PLPPR3: variants seen among roughly 807,000 people sequenced by gnomAD.
The protein encoded by PLPPR3 is phospholipid phosphatase-related protein type 3.
Under a neutral mutation model 27.3 loss-of-function variants are expected in PLPPR3, and 14 were observed. That is an observed-to-expected ratio of 0.51 (90% CI 0.34 to 0.80). PLPPR3 has a LOEUF of 0.80. PLPPR3 is among the 30% of genes least tolerant of loss of function. The pLI is 0.01. For synonymous variants in PLPPR3, 671 were observed against 508.0 expected (o/e 1.32, Z -4.32); for missense variants, 1,287 against 1,056.9 (o/e 1.22, Z -3.02).
chr19:821,390 G>T (rs2035142527), intron 2 of PLPPR3, 95 bp downstream of exon 2: 4 of 1,126,226 alleles, frequency 3.6e-6, no homozygotes, highest in Non-Finnish European at 3.6e-6. Flanking sequence ...CACTGCCGGG[G>T]CAGCTGCGCC....
chr19:815,789 C>T lies in PLPPR3; in HGVS notation c.138G>A (p.Lys46=). 6.2e-7 allele frequency: 1 copy of T among 1,612,824 alleles called. No individual in the cohort carries two copies. Among genetic ancestry groups the T allele is most frequent in the Non-Finnish European group, 8.5e-7 (1 of 1,179,898 alleles). Residue 46 remains lysine (K), a synonymous_variant, in exon 3 of 8, where the codon AAG becomes AAA. Transcript: ENST00000520876. ...LYFLELTDLF[K]PAKVGFQCYD... The stretch of plus-strand genomic sequence containing the variant: ...AGCACTGGAAGCCCACCTTGGCCGG[C>T]TTGAAGAGGTCGGTCAGCTCCAGGA...
Position 813,576 on chromosome 19 carries a change from G to A in PLPPR3, c.1151C>T (p.Ser384Leu), listed in dbSNP as rs890995455. 7 of 1,556,294 alleles carry A rather than the reference G, an allele frequency of 4.5e-6. No individual in the cohort carries two copies. Among genetic ancestry groups the A allele is most frequent in the Admixed American group, 1.9e-5 (1 of 52,526 alleles). Residue 384 changes from serine (S) to leucine (L), a missense_variant, in exon 8 of 8, where the codon TCG (serine) becomes TTG (leucine). Transcript: ENST00000520876. This position sits in a 1 kb window ranked among gnomAD's most constrained non-coding sequence, Gnocchi z 4.1. Reference protein sequence around the residue: ...SHTLPRASAPSLDDPARRHMT... With the variant: ...SHTLPRASAPLLDDPARRHMT... ...GTGGCGGCGCGCGGGGTCGTCCAGC[G>A]AGGGCGCGCTGGCCCTGGGCAGCGT...
Position 813,395 on chromosome 19 carries a change from TTCC to T in PLPPR3, c.1329_1331del (p.Glu447del), listed in dbSNP as rs1023978859. On this transcript the variant is annotated inframe_deletion, in exon 8 of 8. Transcript: ENST00000520876. This position sits in a 1 kb window ranked among gnomAD's most constrained non-coding sequence, Gnocchi z 4.1. ...CCTCTTCCTCTTCGTCCTCCTCCTC[TTCC>T]TCCTCCTCCGCCATGGGTTCGGCGG... is the stretch of plus-strand genomic sequence containing the variant. The T allele has an allele frequency of 9.3e-6, 14 of 1,501,626 alleles. No individual in the cohort carries two copies. The highest frequency in any genetic ancestry group is 1.2e-5 in the Non-Finnish European group (14 of 1,133,250). The allele number at this position is 1,501,626 out of a possible 1,614,324, so 93.0% of individuals were successfully genotyped here. A position where few individuals can be genotyped will look rare whatever the true frequency, so the allele number is the denominator to read the frequency against.
At chr19:818,888 G>GC (rs2145079979) in intron 2 of PLPPR3, among the ~76,000 whole-genome samples, 1 of 151,330 alleles carries the variant, frequency 6.6e-6, no homozygotes, top group African/African-American at 2.4e-5. Flanking sequence ...TGAACTCCAG[G>GC]CCTCAAGTGA....
chr19:812,555 CCCGGCCCCGCCG>C lies in PLPPR3; in HGVS notation c.*3_*14del, dbSNP rs1406132735. 2 of 1,001,610 alleles carry C rather than the reference CCCGGCCCCGCCG, an allele frequency of 2.0e-6. No individual in the cohort carries two copies. The highest frequency in any genetic ancestry group is 6.1e-5 in the Admixed American group (1 of 16,336). 62.0% of individuals were successfully genotyped at this position (1,001,610 alleles called of 1,614,324 possible). ...GCCCTCGGCCCGCCCCCCGCCCGCC[CCCGGCCCCGCCG>C]CGCTAGTCGGGGAAGCGGCGCGCCT... On this transcript the variant is annotated 3_prime_UTR_variant, in exon 8 of 8. Coordinates refer to ENST00000520876, the MANE Select transcript of PLPPR3 (RefSeq NM_001270366.2).
upstream of PLPPR3, among the ~76,000 whole-genome samples, chr19:823,450 A>AAAAAAACAAAAAAC (rs1555703876): frequency 8.3e-5 from 12 of 143,838 alleles, no homozygotes; most frequent in Non-Finnish European, 1.5e-4. Flanking sequence ...TCAAAAAAAA[A>AAAAAAACAAAAAAC]AAAAAAAACA....
At chr19:815,889 C>T (rs769100368) in intron 2 of PLPPR3, 38 bp from the exon 3 acceptor site, 1 of 1,598,064 alleles carries the variant, frequency 6.3e-7, no homozygotes, top group Non-Finnish European at 8.5e-7. Context: ...CCCTGCTCTC[C>T]CTCGCGGAGG....
chr19:820,067 T>G (rs2035122696), intron 2 of PLPPR3, among the ~76,000 whole-genome samples: 1 of 152,088 alleles, frequency 6.6e-6, no homozygotes. Flanking sequence ...AGGCTAGTCT[T>G]GAACTCTTGG....
intron 1 of PLPPR3, 38 bp downstream of exon 1, chr19:821,877 G>C (rs536557957): frequency 8.4e-6 from 2 of 237,942 alleles, no homozygotes; most frequent in African/African-American, 4.6e-5. Context: ...GGCGGCGGAG[G>C]AGACTGGGTC....
intron 2 of PLPPR3, 40 bp downstream of exon 2, chr19:821,445 C>G: frequency 6.7e-7 from 1 of 1,494,774 alleles, no homozygotes; most frequent in Non-Finnish European, 8.9e-7. Context: ...CGGGCGGAAC[C>G]GAGGCGTCTC....
chr19:812,855 CA>C lies in PLPPR3; in HGVS notation c.1871del (p.Leu624ArgfsTer118). ...TGGCCCCGCCGCGGAAGCCGCGCGC[CA>C]GGTCCCCCAGCTCGTAGCCGCCGTC... ...EADGGYELGD[L>X]ARGFRGGAKP... On this transcript the variant is annotated frameshift_variant, in exon 8 of 8. Coordinates refer to ENST00000520876, the MANE Select transcript of PLPPR3 (RefSeq NM_001270366.2). LOFTEE classifies it low-confidence loss of function (END_TRUNC). 1 of 1,157,048 alleles carries C rather than the reference CA, an allele frequency of 8.6e-7. No homozygotes were observed. Among genetic ancestry groups the C allele is most frequent in the Non-Finnish European group, 1.1e-6 (1 of 937,390 alleles). The allele number at this position is 1,157,048 out of a possible 1,614,324, so 71.7% of individuals were successfully genotyped here.
chr19:818,658 C>G (rs957810008), intron 2 of PLPPR3, among the ~76,000 whole-genome samples: 1 of 151,752 alleles, frequency 6.6e-6, no homozygotes, highest in African/African-American at 2.4e-5. Context: ...CTCAGCCTCC[C>G]GAGTAGCTGG....
intron 3 of PLPPR3, 137 bp from the exon 4 acceptor site, chr19:815,464 AGCCGTGGT>A (rs2035037666): frequency 9.5e-7 from 1 of 1,047,250 alleles, no homozygotes; most frequent in Admixed American, 2.9e-5. Context: ...GTGGGCTCCC[AGCCGTGGT>A]GCCCACAGGC....
At position 813,391 on chromosome 19, in the gene PLPPR3, C is replaced by T. The variant is rs1419193589; in HGVS notation, c.1336G>A (p.Glu446Lys). Residue 446 changes from glutamate to lysine, a missense_variant, in exon 8 of 8, where the codon GAG becomes AAG. Coordinates refer to ENST00000520876, the MANE Select transcript of PLPPR3 (RefSeq NM_001270366.2). The surrounding 1 kb of genome is among the most constrained non-coding windows in gnomAD (Gnocchi z 4.1). ...AEPMAEEEEE[E>K]EDEEEEEEEE... ...TCCTCCTCTTCCTCTTCGTCCTCCT[C>T]CTCTTCCTCCTCCTCCGCCATGGGT... The T allele has an allele frequency of 2.7e-6, 4 of 1,501,746 alleles. No homozygotes were observed. Among genetic ancestry groups the T allele is most frequent in the Non-Finnish European group, 3.5e-6 (4 of 1,133,360 alleles). 93.0% of individuals were successfully genotyped at this position (1,501,746 alleles called of 1,614,324 possible).
At position 821,430 on chromosome 19, in the gene PLPPR3, G is replaced by C. The variant is rs1441771595; in HGVS notation, c.75+55C>G. ...CCGGTCCCCCAGCGCGGGGGTCTCTGCGGGCGGGCGGAACCGAGGCGTCTC... is the reference window on the plus strand; with the variant it reads ...CCGGTCCCCCAGCGCGGGGGTCTCTCCGGGCGGGCGGAACCGAGGCGTCTC... On this transcript the variant is annotated intron_variant, in intron 2 of 7. Coordinates refer to ENST00000520876, the MANE Select transcript of PLPPR3 (RefSeq NM_001270366.2). The C allele has an allele frequency of 2.7e-6, 4 of 1,468,446 alleles. No homozygotes were observed. The African/African-American group carries it at 4.4e-5, about 16-fold the overall frequency. The allele number at this position is 1,468,446 out of a possible 1,614,324, so 91.0% of individuals were successfully genotyped here. A position where few individuals can be genotyped will look rare whatever the true frequency, so the allele number is the denominator to read the frequency against.
Position 813,709 on chromosome 19 carries a change from C to A in PLPPR3, c.1018G>T (p.Ala340Ser). ...CTGCCCAGCGAGGTCTTCTCGCGGG[C>A]CACGGGCCGGGGCGCGCCCTCCAGC... ...GRLEGAPRPV[A>S]REKTSLGSLK... The change falls in exon 8 of 8, where the codon GCC becomes TCC. Residue 340 changes from alanine (A) to serine (S), a missense_variant. Transcript: ENST00000520876. This position sits in a 1 kb window ranked among gnomAD's most constrained non-coding sequence, Gnocchi z 4.1. The A allele has an allele frequency of 6.5e-7, 1 of 1,527,478 alleles. No homozygotes were observed. 94.6% of individuals were successfully genotyped at this position (1,527,478 alleles called of 1,614,324 possible).
intron 1 of PLPPR3, 59 bp downstream of exon 1, chr19:821,856 C>G (rs1246116333): frequency 7.0e-6 from 2 of 285,306 alleles, no homozygotes; most frequent in Non-Finnish European, 1.3e-5. Flanking sequence ...TCCGGGAGAA[C>G]TGGGGTTCCG....
chr19:818,824 C>A (rs974090405), intron 2 of PLPPR3, among the ~76,000 whole-genome samples: 1 of 151,892 alleles, frequency 6.6e-6, no homozygotes, highest in Non-Finnish European at 1.5e-5. Flanking sequence ...TGAGCCACCA[C>A]GCACAGCCTA....
Position 813,771 on chromosome 19 carries a change from T to G in PLPPR3, c.956A>C (p.Lys319Thr). 6.5e-7 allele frequency: 1 copy of G among 1,528,376 alleles called. No individual in the cohort carries two copies. The highest frequency in any genetic ancestry group is 8.7e-7 in the Non-Finnish European group (1 of 1,143,506). 94.7% of individuals were successfully genotyped at this position (1,528,376 alleles called of 1,614,324 possible). Residue 319 changes from lysine to threonine, a missense_variant, in exon 8 of 8, where the codon AAG (lysine) becomes ACG (threonine). Physicochemically the swap from Lys to Thr is moderately conservative, Grantham distance 78. Transcript: ENST00000520876. This position sits in a 1 kb window ranked among gnomAD's most constrained non-coding sequence, Gnocchi z 4.1. ...RGHDSVYQQN[K>T]SVSTDELGPP... ...CCCCAGCTCGTCGGTGCTCACCGAC[T>G]TATTCTGCTGATAAACCGAGTCGTG...
Sources: allele counts gnomAD v4.1 joint callset (sites outside exome capture counted in the v4.1 genomes callset), GRCh38; gene constraint gnomAD v4.1.1; non-coding constraint Gnocchi (gnomAD v3.1); transcripts MANE v1.5; gene names NCBI Gene and HGNC (gene_info 2026-07-23, HGNC 2026-07-21).